Variants in SPC25 observed in about 807,000 individuals in gnomAD.
SPC25 encodes the protein kinetochore protein Spc25.
Under a neutral mutation model 29.6 loss-of-function variants are expected in SPC25, and 22 were observed. That is an observed-to-expected ratio of 0.74 (90% CI 0.53 to 1.06). SPC25 has a LOEUF of 1.06. SPC25 is among the 50% of genes least tolerant of loss of function. SPC25 has a pLI of 0.00. For missense variants in SPC25, 230 were observed against 255.8 expected (o/e 0.90, Z 0.69); for synonymous variants, 91 against 90.4 (o/e 1.01, Z -0.04).
At chr2:168,863,694 G>A (rs1427258119) in intron 4 of SPC25, 2 of 973,630 alleles carry the variant, frequency 2.1e-6, no homozygotes, top group African/African-American at 1.8e-5. Flanking sequence ...CTTTTGGCCT[G>A]TGAAATCAGG....
rs5836211 is a variant in SPC25 at position 168,887,421 on chromosome 2, C to CA, written c.199+1804dup. Among the ~76,000 whole-genome samples the CA allele has an allele frequency of 3.6e-3, 476 of 131,380 alleles. 3 individuals carry two copies. The highest frequency in any genetic ancestry group is 6.2e-3 in the East Asian group (29 of 4,684). 86.2% of individuals were successfully genotyped at this position (131,380 alleles called of 152,430 possible). ...TGGGCAACAGAGCGAGACTCCATCT[C>CA]AAAAAAAAAAAAAGAAAGAAAGAAA... On this transcript the variant is annotated intron_variant, in intron 3 of 6. Coordinates refer to ENST00000282074, the MANE Select transcript of SPC25 (RefSeq NM_020675.4).
chr2:168,886,648 TA>T (rs1220149529), intron 3 of SPC25, among the ~76,000 whole-genome samples: 1 of 151,580 alleles, frequency 6.6e-6, no homozygotes, highest in African/African-American at 2.4e-5. Context: ...GCCTCCAGAG[TA>T]GCTGGGACCA....
At chr2:168,865,863 C>T (rs556405564) in intron 4 of SPC25, among the ~76,000 whole-genome samples, 9 of 152,284 alleles carry the variant, frequency 5.9e-5, no homozygotes, top group African/African-American at 1.4e-4. Context: ...GAGTGAACTC[C>T]CATTCACAAT....
chr2:168,866,295 C>T (rs1318042109), downstream of SPC25, among the ~76,000 whole-genome samples: 1 of 152,300 alleles, frequency 6.6e-6, no homozygotes. Context: ...ACCAATGGAA[C>T]AGAACAGAGC....
At chr2:168,874,981 T>A (rs1042885964) in intron 5 of SPC25, among the ~76,000 whole-genome samples, 1 of 152,180 alleles carries the variant, frequency 6.6e-6, no homozygotes, top group African/African-American at 2.4e-5. Flanking sequence ...CTGAGAGTGA[T>A]CTTGGGAAGC....
chr2:168,874,401 CG>C lies in SPC25; in HGVS notation c.452-719del, dbSNP rs1690050202. 2.0e-5 allele frequency among the ~76,000 whole-genome samples: 3 copies of C among 152,126 alleles called. No homozygotes were observed. In the South Asian group the frequency reaches 6.2e-4, roughly 31 times the overall value. On this transcript the variant is annotated intron_variant, in intron 5 of 6. Coordinates refer to ENST00000282074, the MANE Select transcript of SPC25 (RefSeq NM_020675.4). Reference sequence around the variant, plus strand: ...AGTATAGAGCTGAAAGAATTGAAAACGGAGACTCAAGTAGATAACTGTATGC... The same window carrying C: ...AGTATAGAGCTGAAAGAATTGAAAACGAGACTCAAGTAGATAACTGTATGC...
At chr2:168,883,389 G>A (rs909549863) in intron 3 of SPC25, among the ~76,000 whole-genome samples, 1 of 151,996 alleles carries the variant, frequency 6.6e-6, no homozygotes, top group Non-Finnish European at 1.5e-5. Flanking sequence ...CATATATTAC[G>A]TCAAGTATAA....
At chr2:168,870,849 A>ATATAT (rs1689965796), downstream of SPC25, 1 of 151,488 alleles carries the variant, frequency 6.6e-6, no homozygotes, top group East Asian at 1.9e-4. Flanking sequence ...CAGCCCTCCC[A>ATATAT]TTATTGGGTA....
rs1315547165 is a variant in SPC25 at position 168,890,388 on chromosome 2, A to C, written c.-85T>G. 9 of 984,920 alleles carry C rather than the reference A, an allele frequency of 9.1e-6. No individual in the cohort carries two copies. The highest frequency in any genetic ancestry group is 1.1e-5 in the Non-Finnish European group (9 of 829,886). 61.0% of individuals were successfully genotyped at this position (984,920 alleles called of 1,614,324 possible). Reference sequence around the variant, plus strand: ...CGCGCCCACTCTAGCCAACAGCCGGACTCTAGGCTCAGCTCCCGCAGCCCC... The same window carrying C: ...CGCGCCCACTCTAGCCAACAGCCGGCCTCTAGGCTCAGCTCCCGCAGCCCC... On this transcript the variant is annotated 5_prime_UTR_variant, in exon 1 of 7. Transcript: ENST00000282074.
At chr2:168,864,970 A>AAAC in intron 4 of SPC25, 1 of 1,614,034 alleles carries the variant, frequency 6.2e-7, no homozygotes, top group Non-Finnish European at 8.5e-7. Flanking sequence ...CAAAGGCATA[A>AAAC]AACAAGACTC....
At chr2:168,882,376 G>C (rs1355446013) in intron 3 of SPC25, among the ~76,000 whole-genome samples, 3 of 152,248 alleles carry the variant, frequency 2.0e-5, no homozygotes, top group Admixed American at 1.3e-4. Flanking sequence ...CAACGCTCAG[G>C]CTGGCGGATC....
At chr2:168,877,190 G>A (rs537922097) in intron 4 of SPC25, 48 bp downstream of exon 4, 107 of 1,594,886 alleles carry the variant, frequency 6.7e-5, no homozygotes, top group South Asian at 1.2e-4. Flanking sequence ...AAGGTGAACC[G>A]TCACCACTTT....
At chr2:168,888,288 G>T (rs1294553095) in intron 3 of SPC25, among the ~76,000 whole-genome samples, 1 of 151,748 alleles carries the variant, frequency 6.6e-6, no homozygotes, top group Non-Finnish European at 1.5e-5. Flanking sequence ...AGGCACGGTG[G>T]CTCACGCCTG....
At position 168,871,430 on chromosome 2, in the gene SPC25, G is replaced by A. The variant is rs779447852; in HGVS notation, c.*1C>T. 2 of 1,596,912 alleles carry A rather than the reference G, an allele frequency of 1.3e-6. No homozygotes were observed. The highest frequency in any genetic ancestry group is 1.8e-5 in the Admixed American group (1 of 55,902). Reference sequence around the variant, plus strand: ...CCGTTTTTATATACACTATTTGTATGTTAATTATAAACCGTGGCAGTAAAA... The same window carrying A: ...CCGTTTTTATATACACTATTTGTATATTAATTATAAACCGTGGCAGTAAAA... On this transcript the variant is annotated 3_prime_UTR_variant, in exon 7 of 7. Transcript: ENST00000282074.
chr2:168,868,810 T>G (rs1211196694), downstream of SPC25, among the ~76,000 whole-genome samples: 2 of 152,168 alleles, frequency 1.3e-5, no homozygotes, highest in Admixed American at 6.5e-5. Flanking sequence ...CTTCTGAAAC[T>G]ATTCCAGTCA....
At position 168,889,300 on chromosome 2, in the gene SPC25, G is replaced by C; in HGVS notation, c.134-9C>G. On this transcript the variant is annotated splice_polypyrimidine_tract_variant and intron_variant, in intron 2 of 6. Coordinates refer to ENST00000282074, the MANE Select transcript of SPC25 (RefSeq NM_020675.4). ...TTTCACAGACAGCTTTTCTGAAAGA[G>C]AAATTGAACTTTCAATTCAGCTGCA... 6.2e-7 allele frequency: 1 copy of C among 1,613,476 alleles called. No homozygotes were observed. The highest frequency in any genetic ancestry group is 1.1e-5 in the South Asian group (1 of 91,006).
chr2:168,867,151 T>G (rs952282873), downstream of SPC25, among the ~76,000 whole-genome samples: 8 of 152,164 alleles, frequency 5.3e-5, no homozygotes, highest in Admixed American at 3.9e-4. Flanking sequence ...TTATAAATCA[T>G]GCTGCTATAA....
At chr2:168,865,512 A>G (rs1319450597) in intron 4 of SPC25, 4 of 153,162 alleles carry the variant, frequency 2.6e-5, no homozygotes, top group Non-Finnish European at 5.8e-5. Context: ...CACAGCCAAT[A>G]TCATACTGAA....
intron 6 of SPC25, among the ~76,000 whole-genome samples, chr2:168,872,386 G>C (rs1690010711): frequency 1.3e-5 from 2 of 152,164 alleles, no homozygotes; most frequent in South Asian, 4.1e-4. Flanking sequence ...TCCAAGAGTG[G>C]TATTTACAGG....
Sources: allele counts gnomAD v4.1 joint callset (sites outside exome capture counted in the v4.1 genomes callset), GRCh38; gene constraint gnomAD v4.1.1; transcripts MANE v1.5; gene names NCBI Gene and HGNC (gene_info 2026-07-23, HGNC 2026-07-21).